Variants in IQSEC3 observed in about 807,000 individuals in gnomAD.
IQSEC3 encodes the protein IQ motif and SEC7 domain-containing protein 3.
IQSEC3 carries 50 observed loss-of-function variants against 105.4 expected under a neutral mutation model. That is an observed-to-expected ratio of 0.47 (90% CI 0.38 to 0.60). IQSEC3 has a LOEUF of 0.60. Ranked by LOEUF, IQSEC3 falls within the 20% of genes least tolerant of loss-of-function variation. The probability of loss-of-function intolerance (pLI) is 0.00; values close to 1 mark genes in which losing one functional copy is unlikely to be tolerated. For synonymous variants in IQSEC3, 708 were observed against 746.0 expected (o/e 0.95, Z 0.83); for missense variants, 1,415 against 1,630.0 (o/e 0.87, Z 2.27).
At chr12:153,167 G>A (rs962425669) in intron 5 of IQSEC3, among the ~76,000 whole-genome samples, 2 of 152,064 alleles carry the variant, frequency 1.3e-5, no homozygotes, top group African/African-American at 4.8e-5. Context: ...ATGCTGTAGA[G>A]GGCCGAGGCT....
chr12:168,544 C>G (rs1235682594), intron 11 of IQSEC3, among the ~76,000 whole-genome samples: 2 of 152,194 alleles, frequency 1.3e-5, no homozygotes, highest in East Asian at 3.9e-4. Context: ...TTTGCCATTA[C>G]TTTCGCACAA....
rs138877010 is a variant in IQSEC3 at position 156,119 on chromosome 12, G to C, written c.2154-906G>C. Among the ~76,000 whole-genome samples the C allele has an allele frequency of 1.5e-3, 233 of 152,308 alleles. 1 individual carries two copies. The highest frequency in any genetic ancestry group is 5.2e-3 in the African/African-American group (217 of 41,570). On this transcript the variant is annotated intron_variant, in intron 5 of 13. Transcript: ENST00000538872. ...TCCCCTGGATCGGGCTAGACCAGAG[G>C]AAGGCGCCTGCTTAGCTGGGGGGAA... is the stretch of plus-strand genomic sequence containing the variant.
chr12:153,112 G>A (rs369631956), intron 5 of IQSEC3, among the ~76,000 whole-genome samples: 5 of 151,980 alleles, frequency 3.3e-5, no homozygotes, highest in South Asian at 4.2e-4. Flanking sequence ...AAGAGGGCAC[G>A]GTGCAAGCAG....
intron 4 of IQSEC3, chr12:140,151 G>A (rs914337915): frequency 5.9e-5 from 9 of 152,238 alleles, no homozygotes; most frequent in African/African-American, 1.9e-4. Flanking sequence ...TTGGGTGCCA[G>A]GCACTGTGAC....
At chr12:76,249 G>A (rs1295766206) in intron 1 of IQSEC3, among the ~76,000 whole-genome samples, 1 of 152,242 alleles carries the variant, frequency 6.6e-6, no homozygotes, top group Non-Finnish European at 1.5e-5. Context: ...TGGATTCCGG[G>A]GTCATGAACC....
chr12:86,083 A>G (rs1319710001), intron 1 of IQSEC3, among the ~76,000 whole-genome samples: 14 of 152,202 alleles, frequency 9.2e-5, no homozygotes, highest in African/African-American at 3.4e-4. Flanking sequence ...ATAGGGAGAT[A>G]TGACATGTAT....
rs139755214 is a variant in IQSEC3, at chr12:87,958, A to G, written c.555-11188A>G. The stretch of plus-strand genomic sequence containing the variant: ...TGCGGTTAGGTAGGATTCCTCAGGA[A>G]GGATTCCCGCAGGCTTCACCGAAAG... On this transcript the variant is annotated intron_variant, in intron 1 of 13. Transcript: ENST00000538872. Among the ~76,000 whole-genome samples, 211 of 152,326 alleles carry G rather than the reference A, an allele frequency of 1.4e-3. 4 individuals carry two copies. The highest frequency in any genetic ancestry group is 4.6e-3 in the African/African-American group (192 of 41,570).
At chr12:74,340 A>G (rs1863436588) in intron 1 of IQSEC3, among the ~76,000 whole-genome samples, 1 of 152,252 alleles carries the variant, frequency 6.6e-6, no homozygotes. Context: ...GACTTTTCTT[A>G]CATGAGATAT....
At chr12:161,881 TC>T in intron 7 of IQSEC3, 44 bp from the exon 8 acceptor site, 1 of 1,021,456 alleles carries the variant, frequency 9.8e-7, no homozygotes, top group Non-Finnish European at 1.4e-6. Context: ...TCTGACACCC[TC>T]CCTCCCAACC....
chr12:107,402 CTTTTTTTTT>C (rs58053657), intron 2 of IQSEC3, among the ~76,000 whole-genome samples: 15 of 75,996 alleles, frequency 2.0e-4, no homozygotes, highest in African/African-American at 7.3e-4. Flanking sequence ...AGTCTGTTTT[CTTTTTTTTT>C]TTTTTTTTTT....
Position 138,777 on chromosome 12 carries a change from G to A in IQSEC3, c.1414G>A (p.Gly472Ser). The A allele has an allele frequency of 6.3e-7, 1 of 1,596,326 alleles. No individual in the cohort carries two copies. Among genetic ancestry groups the A allele is most frequent in the Non-Finnish European group, 8.5e-7 (1 of 1,174,952 alleles). Reference sequence around the variant, plus strand: ...CGGGGATGACGCCGCGGAGACCCCCGGCCTGCCCCCGGCCCACAGCGGGAC... The same window carrying A: ...CGGGGATGACGCCGCGGAGACCCCCAGCCTGCCCCCGGCCCACAGCGGGAC... The part of the protein sequence containing the change: ...GPGDDAAETP[G>S]LPPAHSGTLM... Residue 472 changes from glycine (G) to serine (S), a missense_variant, in exon 4 of 14, where the codon GGC becomes AGC. Transcript: ENST00000538872. This position sits in a 1 kb window ranked among gnomAD's most constrained non-coding sequence, Gnocchi z 7.1.
At chr12:171,698 G>A (rs1939006314) in intron 13 of IQSEC3, among the ~76,000 whole-genome samples, 1 of 152,142 alleles carries the variant, frequency 6.6e-6, no homozygotes, top group African/African-American at 2.4e-5. Context: ...GGGCAGGTGG[G>A]AGGGGGAACT....
intron 1 of IQSEC3, among the ~76,000 whole-genome samples, chr12:68,367 A>C (rs1405491167): frequency 6.6e-6 from 1 of 152,208 alleles, no homozygotes; most frequent in East Asian, 1.9e-4. Flanking sequence ...GCAACTGCAA[A>C]CCCTTTTTTC....
At chr12:70,762 C>A (rs1555067300) in intron 1 of IQSEC3, among the ~76,000 whole-genome samples, 4 of 152,272 alleles carry the variant, frequency 2.6e-5, no homozygotes, top group Non-Finnish European at 4.4e-5. Flanking sequence ...TTGTCCATGT[C>A]TCCAAGGCCA....
intron 3 of IQSEC3, among the ~76,000 whole-genome samples, chr12:133,187 C>A (rs1329915094): frequency 6.6e-6 from 1 of 152,204 alleles, no homozygotes; most frequent in Admixed American, 6.5e-5. Flanking sequence ...ACTGACACAG[C>A]TCCCTTCTTA....
At chr12:143,474 C>A (rs1262611721) in intron 5 of IQSEC3, 1 of 152,896 alleles carries the variant, frequency 6.5e-6, no homozygotes, top group African/African-American at 2.4e-5. Flanking sequence ...GAATCTACCA[C>A]CTTTCCCATC....
chr12:142,921 C>T (rs1555089733), intron 5 of IQSEC3, among the ~76,000 whole-genome samples: 1 of 152,248 alleles, frequency 6.6e-6, no homozygotes, highest in Non-Finnish European at 1.5e-5. Context: ...CCAGGCACCC[C>T]TGCTGTCTCT....
At chr12:122,878 T>C (rs1241880049) in intron 2 of IQSEC3, among the ~76,000 whole-genome samples, 1 of 151,730 alleles carries the variant, frequency 6.6e-6, no homozygotes, top group Non-Finnish European at 1.5e-5. Flanking sequence ...CCCTAAAGAG[T>C]CTTGAAAACC....
At chr12:71,788 T>C (rs1273966059) in intron 1 of IQSEC3, among the ~76,000 whole-genome samples, 22 of 152,278 alleles carry the variant, frequency 1.4e-4, no homozygotes, top group Non-Finnish European at 2.6e-4. Flanking sequence ...GGTGGCATCG[T>C]ATGGCCCATG....
Sources: allele counts gnomAD v4.1 joint callset (sites outside exome capture counted in the v4.1 genomes callset), GRCh38; gene constraint gnomAD v4.1.1; non-coding constraint Gnocchi (gnomAD v3.1); transcripts MANE v1.5; gene names NCBI Gene and HGNC (gene_info 2026-07-23, HGNC 2026-07-21).